Variants in DLGAP2 observed in about 807,000 individuals in gnomAD.
DLGAP2 encodes the protein disks large-associated protein 2.
Under a neutral mutation model 100.3 loss-of-function variants are expected in DLGAP2, and 26 were observed. The observed-to-expected ratio is 0.26, with a 90% confidence interval of 0.19 to 0.36. The LOEUF is 0.36. Among genes scored for constraint, DLGAP2 ranks in the 10% least tolerant of loss-of-function variants. DLGAP2 has a pLI of 1.00. For synonymous variants in DLGAP2, 886 were observed against 630.1 expected, an observed-to-expected ratio of 1.41 and a Z score of -6.08; for missense variants, 1,858 against 1,453.2, an observed-to-expected ratio of 1.28 and a Z score of -4.53.
intron 2 of DLGAP2, among the ~76,000 whole-genome samples, chr8:966,913 T>C (rs1799885725): frequency 1.3e-5 from 2 of 152,276 alleles, no homozygotes; most frequent in Non-Finnish European, 1.5e-5. Context: ...TGTGCTTCAC[T>C]GTGCCTTTTG....
intron 2 of DLGAP2, among the ~76,000 whole-genome samples, chr8:1,159,035 C>T (rs980488756): frequency 1.3e-5 from 2 of 152,164 alleles, no homozygotes; most frequent in South Asian, 2.1e-4. Context: ...TTCTTGTTAA[C>T]CTCGATGTCA....
chr8:1,430,161 C>T (rs1379443165), intron 3 of DLGAP2, among the ~76,000 whole-genome samples: 2 of 150,686 alleles, frequency 1.3e-5, no homozygotes, highest in Non-Finnish European at 3.0e-5. Flanking sequence ...TTTCAGCACT[C>T]ACTTTAAAGG....
chr8:1,255,975 G>T (rs112340481), intron 2 of DLGAP2, among the ~76,000 whole-genome samples: 2 of 108,804 alleles, frequency 1.8e-5, no homozygotes, highest in African/African-American at 8.7e-5. Context: ...CTCATCCTGC[G>T]TGGGTGCTGT....
chr8:1,342,110 C>G lies in DLGAP2; in HGVS notation c.106+83227C>G, dbSNP rs61340447. The stretch of plus-strand genomic sequence containing the variant: ...GGGCAACAGGCAGGTGCCCCTACCC[C>G]CAGCTGATTTTTCTGTACAGATGGG... On this transcript the variant is annotated intron_variant, in intron 3 of 14. Transcript: ENST00000637795. 6.7e-3 allele frequency among the ~76,000 whole-genome samples: 1,025 copies of G among 152,082 alleles called. 7 individuals are homozygous for G. Among genetic ancestry groups the G allele is most frequent in the African/African-American group, 0.016 (651 of 41,484 alleles).
intron 6 of DLGAP2, among the ~76,000 whole-genome samples, chr8:1,614,773 C>A (rs747891146): frequency 5.9e-5 from 9 of 152,224 alleles, no homozygotes; most frequent in Non-Finnish European, 1.0e-4. Flanking sequence ...GGGATAATAA[C>A]TTATATTGAA....
chr8:1,594,613 G>A (rs569514287), intron 6 of DLGAP2, among the ~76,000 whole-genome samples: 2 of 151,948 alleles, frequency 1.3e-5, no homozygotes, highest in Admixed American at 1.3e-4. Flanking sequence ...CCAAACAGAT[G>A]GGGTTTCACC....
intron 3 of DLGAP2, among the ~76,000 whole-genome samples, chr8:1,383,809 G>A (rs1312672853): frequency 1.3e-5 from 2 of 152,190 alleles, no homozygotes; most frequent in Admixed American, 1.3e-4. Flanking sequence ...ACCACCAGCA[G>A]CTCCCAGCGA....
At chr8:1,525,507 C>T (rs1800763731) in intron 4 of DLGAP2, among the ~76,000 whole-genome samples, 1 of 152,148 alleles carries the variant, frequency 6.6e-6, no homozygotes, top group Non-Finnish European at 1.5e-5. Flanking sequence ...GGTGGGCAGA[C>T]CCCAAAGCTG....
At chr8:1,481,064 T>C (rs1007864746) in intron 3 of DLGAP2, among the ~76,000 whole-genome samples, 1 of 151,830 alleles carries the variant, frequency 6.6e-6, no homozygotes, top group Non-Finnish European at 1.5e-5. Context: ...CCCAGCTACT[T>C]GGGAGGCTGA....
At chr8:1,099,577 G>T (rs1804511304) in intron 2 of DLGAP2, among the ~76,000 whole-genome samples, 1 of 152,224 alleles carries the variant, frequency 6.6e-6, no homozygotes, top group African/African-American at 2.4e-5. Flanking sequence ...AGGCTACCAG[G>T]AGGATTAGGA....
chr8:1,369,251 A>T (rs1802181331), intron 3 of DLGAP2: 1 of 152,104 alleles, frequency 6.6e-6, no homozygotes, highest in African/African-American at 2.4e-5. Context: ...ATTCTCTCAT[A>T]GTCCTGGAAG....
intron 3 of DLGAP2, among the ~76,000 whole-genome samples, chr8:1,433,470 G>A (rs1394547262): frequency 2.6e-5 from 4 of 152,188 alleles, no homozygotes; most frequent in African/African-American, 9.6e-5. Context: ...GCTTGCTGCT[G>A]AGCCCGTGAG....
Position 1,626,877 on chromosome 8 carries a change from G to A in DLGAP2, c.1580G>A (p.Cys527Tyr). The part of the protein sequence containing the change: ...RAVSTLSQAS[C>Y]VSQVSEAEIN... The stretch of plus-strand genomic sequence containing the variant: ...GTCAGCACCCTGAGCCAGGCCAGCT[G>A]CGTGAGCCAGGTCAGGGTCCCTTCG... The change falls in exon 7 of 15, where the codon TGC becomes TAC. Residue 527 changes from cysteine (C) to tyrosine (Y), a missense_variant. By Grantham distance (194) the Cys-to-Tyr change is radical. Transcript: ENST00000637795. 1 of 1,601,396 alleles carries A rather than the reference G, an allele frequency of 6.2e-7. No homozygotes were observed. The highest frequency in any genetic ancestry group is 1.1e-5 in the South Asian group (1 of 87,982).
intron 4 of DLGAP2, among the ~76,000 whole-genome samples, chr8:1,536,102 G>A (rs1801145951): frequency 6.6e-6 from 1 of 152,184 alleles, no homozygotes; most frequent in African/African-American, 2.4e-5. Context: ...GGTGTAGCAG[G>A]ACAAGCACCT....
chr8:986,392 C>G (rs1421103277), intron 2 of DLGAP2, among the ~76,000 whole-genome samples: 1 of 152,168 alleles, frequency 6.6e-6, no homozygotes, highest in Admixed American at 6.5e-5. Flanking sequence ...CATAGGTATT[C>G]ATGTGCCAGG....
At chr8:1,115,503 A>T (rs1204722881) in intron 2 of DLGAP2, among the ~76,000 whole-genome samples, 3 of 152,240 alleles carry the variant, frequency 2.0e-5, no homozygotes, top group Non-Finnish European at 4.4e-5. Flanking sequence ...CTTTATAAAA[A>T]TATTGTGAAG....
At chr8:1,699,768 G>A (rs1414670435) in intron 14 of DLGAP2, among the ~76,000 whole-genome samples, 1 of 152,202 alleles carries the variant, frequency 6.6e-6, no homozygotes, top group Non-Finnish European at 1.5e-5. Flanking sequence ...TCCCTGGGAT[G>A]GGCCCTGCAC....
chr8:1,569,010 T>C lies in DLGAP2; in HGVS notation c.1442+3116T>C, dbSNP rs2906587. On this transcript the variant is annotated intron_variant, in intron 6 of 14. Transcript: ENST00000637795. ...TCTGCCTGTGGCCCCCATGCCACTG[T>C]CCACTCAGCAGACACAAATCCACTC... Among the ~76,000 whole-genome samples, 942 of 118,644 alleles carry C rather than the reference T, an allele frequency of 7.9e-3. 14 individuals carry two copies. Among genetic ancestry groups the C allele is most frequent in the African/African-American group, 0.029 (882 of 29,952 alleles). The allele number at this position is 118,644 out of a possible 152,430, so 77.8% of individuals were successfully genotyped here.
chr8:1,386,301 G>C (rs1278110926), intron 3 of DLGAP2, among the ~76,000 whole-genome samples: 1 of 152,318 alleles, frequency 6.6e-6, no homozygotes, highest in East Asian at 1.9e-4. Context: ...TGAGATTATA[G>C]ATGGCAGGTG....
Sources: allele counts gnomAD v4.1 joint callset (sites outside exome capture counted in the v4.1 genomes callset), GRCh38; gene constraint gnomAD v4.1.1; transcripts MANE v1.5; gene names NCBI Gene and HGNC (gene_info 2026-07-23, HGNC 2026-07-21).